The following ERGIC1 variants were observed in gnomAD, a reference collection of about 807,000 sequenced individuals.
The protein encoded by ERGIC1 is endoplasmic reticulum-golgi intermediate compartment 1.
ERGIC1 carries 19 observed loss-of-function variants against 38.3 expected under a neutral mutation model. The ratio of observed to expected loss-of-function variants is 0.50; its 90% confidence interval spans 0.35 to 0.73. The LOEUF (loss-of-function observed/expected upper bound fraction) is 0.73. Ranked by LOEUF, ERGIC1 falls within the 30% of genes least tolerant of loss-of-function variation. The probability of loss-of-function intolerance (pLI) is 0.01; values close to 1 mark genes in which losing one functional copy is unlikely to be tolerated. For missense variants in ERGIC1, 294 were observed against 389.2 expected (o/e 0.76, Z 2.06); for synonymous variants, 124 against 157.6 (o/e 0.79, Z 1.60).
chr5:172,862,101 C>T (rs1483166530), intron 1 of ERGIC1, among the ~76,000 whole-genome samples: 1 of 151,442 alleles, frequency 6.6e-6, no homozygotes, highest in Non-Finnish European at 1.5e-5. Flanking sequence ...AAGCGATTCT[C>T]CTGCCTCAGC....
intron 4 of ERGIC1, among the ~76,000 whole-genome samples, chr5:172,912,976 C>T (rs1366264785): frequency 6.6e-6 from 1 of 152,166 alleles, no homozygotes; most frequent in Non-Finnish European, 1.5e-5. Flanking sequence ...GCCATATTGG[C>T]CAGGCTGGTC....
At chr5:172,946,752 A>G (rs1764129963) in intron 9 of ERGIC1, among the ~76,000 whole-genome samples, 1 of 152,106 alleles carries the variant, frequency 6.6e-6, no homozygotes, top group African/African-American at 2.4e-5. Flanking sequence ...CTGTGACTCT[A>G]CGTCACCTCA....
At chr5:172,917,652 A>G (rs987319260) in intron 5 of ERGIC1, 2 of 152,140 alleles carry the variant, frequency 1.3e-5, no homozygotes, top group Non-Finnish European at 2.9e-5. Context: ...GATTGAATGC[A>G]AGAGATCTAT....
Position 172,932,477 on chromosome 5 carries a change from GT to G in ERGIC1, c.586del (p.Tyr196MetfsTer141), listed in dbSNP as rs777790164. ...HDYILKIVPT[V>X]YEDKSGKQRY... ...CTACATCCTGAAGATTGTGCCCACG[GT>G]TTATGAGGACAAGAGTGGCAAGCAG... On this transcript the variant is annotated frameshift_variant, in exon 8 of 10. Transcript: ENST00000393784. LOFTEE classifies it high-confidence loss of function. 2.9e-5 allele frequency: 47 copies of G among 1,614,074 alleles called. No homozygotes were observed. Among genetic ancestry groups the G allele is most frequent in the Non-Finnish European group, 8.5e-7 (1 of 1,180,052 alleles).
chr5:172,844,867 C>T lies in ERGIC1; in HGVS notation c.20+10434C>T, dbSNP rs533754926. On this transcript the variant is annotated intron_variant, in intron 1 of 9. Coordinates refer to ENST00000393784, the MANE Select transcript of ERGIC1 (RefSeq NM_001031711.3). ...GCACATCCTTCAATACCTTCGTCCC[C>T]GGGGTGTCTTTCAGGTGACTTCCCA... Among the ~76,000 whole-genome samples, 11 of 152,318 alleles carry T rather than the reference C, an allele frequency of 7.2e-5. No individual in the cohort carries two copies. The South Asian group carries it at 8.3e-4, about 11-fold the overall frequency.
intron 2 of ERGIC1, among the ~76,000 whole-genome samples, chr5:172,893,495 G>A (rs533460721): frequency 6.6e-6 from 1 of 152,212 alleles, no homozygotes; most frequent in East Asian, 1.9e-4. Context: ...CCAATGGGTT[G>A]TCGGGGCTTG....
At chr5:172,947,154 A>G (rs1764139324) in intron 9 of ERGIC1, among the ~76,000 whole-genome samples, 1 of 149,942 alleles carries the variant, frequency 6.7e-6, no homozygotes, top group African/African-American at 2.5e-5. Flanking sequence ...TTGCACTCCA[A>G]TCTGGGCGAC....
chr5:172,948,863 A>G (rs1485636093), intron 9 of ERGIC1, among the ~76,000 whole-genome samples: 1 of 152,152 alleles, frequency 6.6e-6, no homozygotes, highest in African/African-American at 2.4e-5. Context: ...AGCCTGGGCA[A>G]CATAGCGAGA....
At chr5:172,879,381 T>C (rs1240651411) in intron 1 of ERGIC1, among the ~76,000 whole-genome samples, 1 of 152,198 alleles carries the variant, frequency 6.6e-6, no homozygotes, top group Non-Finnish European at 1.5e-5. Context: ...TATGTTCTCA[T>C]TGACTTTTAG....
intron 1 of ERGIC1, among the ~76,000 whole-genome samples, chr5:172,875,462 C>A (rs1042622561): frequency 6.6e-5 from 10 of 152,142 alleles, no homozygotes; most frequent in Non-Finnish European, 1.3e-4. Flanking sequence ...CCCCCTACCC[C>A]CCCAGCAGGC....
chr5:172,859,489 GA>G (rs60298872), intron 1 of ERGIC1, among the ~76,000 whole-genome samples: 7 of 151,752 alleles, frequency 4.6e-5, no homozygotes, highest in South Asian at 2.1e-4. Flanking sequence ...TGAAGGGTGG[GA>G]AAAAAAAATG....
In ERGIC1 at chr5:172,846,102, C is replaced by T. The variant is rs940072290; in HGVS notation, c.20+11669C>T. ...GTGAAGCGCCCTTCTCAGCACATCC[C>T]ATGGGGGTCCATGGCATCCATTTGA... On this transcript the variant is annotated intron_variant, in intron 1 of 9. Transcript: ENST00000393784. The surrounding 1 kb of genome is among the most constrained non-coding windows in gnomAD (Gnocchi z 4.0). 2.0e-5 allele frequency among the ~76,000 whole-genome samples: 3 copies of T among 152,184 alleles called. No homozygotes were observed. Among genetic ancestry groups the T allele is most frequent in the African/African-American group, 7.2e-5 (3 of 41,444 alleles).
intron 1 of ERGIC1, among the ~76,000 whole-genome samples, chr5:172,884,260 T>G (rs972104581): frequency 2.7e-5 from 4 of 149,848 alleles, no homozygotes; most frequent in Non-Finnish European, 4.4e-5. Flanking sequence ...TTTTTTTTTT[T>G]TTTTTTTTTT....
chr5:172,868,625 C>G (rs182973389), intron 1 of ERGIC1, among the ~76,000 whole-genome samples: 2 of 152,134 alleles, frequency 1.3e-5, no homozygotes, highest in Admixed American at 6.5e-5. Flanking sequence ...GTGATTGATA[C>G]GTGTCATTAG....
Position 172,846,752 on chromosome 5 carries a change from C to T in ERGIC1, c.20+12319C>T, listed in dbSNP as rs1761290046. On this transcript the variant is annotated intron_variant, in intron 1 of 9. Transcript: ENST00000393784. This position sits in a 1 kb window ranked among gnomAD's most constrained non-coding sequence, Gnocchi z 4.0. ...AGTCTTTTAAGTCCCTTACAGTAGA[C>T]AGTGGTGGGCCTGTCTGGAGCTCAT... Among the ~76,000 whole-genome samples the T allele has an allele frequency of 6.6e-6, 1 of 152,208 alleles. No homozygotes were observed. Among genetic ancestry groups the T allele is most frequent in the Admixed American group, 6.5e-5 (1 of 15,288 alleles).
chr5:172,901,219 G>A (rs777947723), intron 3 of ERGIC1, among the ~76,000 whole-genome samples: 2 of 152,222 alleles, frequency 1.3e-5, no homozygotes, highest in South Asian at 2.1e-4. Flanking sequence ...GACATAAGAC[G>A]CTTATTCTGG....
intron 1 of ERGIC1, among the ~76,000 whole-genome samples, chr5:172,845,309 G>A (rs1761260270): frequency 1.3e-5 from 2 of 152,176 alleles, no homozygotes; most frequent in Admixed American, 1.3e-4. Context: ...CGGGCCTGGT[G>A]ACCATTTCCT....
At chr5:172,887,703 G>C (rs1762457024) in intron 1 of ERGIC1, among the ~76,000 whole-genome samples, 1 of 152,198 alleles carries the variant, frequency 6.6e-6, no homozygotes, top group African/African-American at 2.4e-5. Context: ...TGCTCTGGTG[G>C]GATCCATAGG....
At chr5:172,918,720 C>T (rs531301785) in intron 5 of ERGIC1, among the ~76,000 whole-genome samples, 134 of 152,330 alleles carry the variant, frequency 8.8e-4, no homozygotes, top group Admixed American at 1.8e-3. Context: ...GGGAGCCAGA[C>T]GCAGGCCACA....
Sources: allele counts gnomAD v4.1 joint callset (sites outside exome capture counted in the v4.1 genomes callset), GRCh38; gene constraint gnomAD v4.1.1; non-coding constraint Gnocchi (gnomAD v3.1); transcripts MANE v1.5; gene names NCBI Gene and HGNC (gene_info 2026-07-23, HGNC 2026-07-21).